MTHFSD: variants seen among roughly 807,000 people sequenced by gnomAD.
MTHFSD encodes the protein methenyltetrahydrofolate synthase domain-containing protein.
MTHFSD carries 37 observed loss-of-function variants against 31.1 expected under a neutral mutation model. The observed-to-expected ratio is 1.19, with a 90% CI of 0.91 to 1.56. The LOEUF is 1.56. MTHFSD is among the 40% of genes most tolerant of loss of function. The probability of loss-of-function intolerance (pLI) is 0.00; values close to 1 mark genes in which losing one functional copy is unlikely to be tolerated. For synonymous variants in MTHFSD, 221 were observed against 206.9 expected (o/e 1.07, Z -0.59); for missense variants, 664 against 510.1 (o/e 1.30, Z -2.91).
chr16:86,535,484 G>C (rs538786789), intron 7 of MTHFSD: 1 of 985,410 alleles, frequency 1.0e-6, no homozygotes, highest in East Asian at 1.1e-4. Flanking sequence ...TTCCTGGCTG[G>C]CAATGAGGAA....
chr16:86,554,476 G>A lies in MTHFSD; in HGVS notation c.123+169C>T, dbSNP rs78667394. Among the ~76,000 whole-genome samples the A allele has an allele frequency of 1.3e-3, 193 of 152,270 alleles. 4 individuals carry two copies. The East Asian group carries it at 0.034, about 27-fold the overall frequency. On this transcript the variant is annotated intron_variant, in intron 2 of 7. Transcript: ENST00000360900. Reference sequence around the variant, plus strand: ...AGGCCCCAGGTGAAGAGTAAATGACGTCTCTAAATGCTAAGGACGCCCTGG... The same window carrying A: ...AGGCCCCAGGTGAAGAGTAAATGACATCTCTAAATGCTAAGGACGCCCTGG...
At chr16:86,541,004 A>G in intron 7 of MTHFSD, 1 of 1,175,066 alleles carries the variant, frequency 8.5e-7, no homozygotes, top group Non-Finnish European at 1.1e-6. Context: ...TCAAACGGTG[A>G]ATGATTTGGG....
chr16:86,535,000 G>A (rs944829380), intron 7 of MTHFSD, among the ~76,000 whole-genome samples: 1 of 152,200 alleles, frequency 6.6e-6, no homozygotes, highest in Non-Finnish European at 1.5e-5. Flanking sequence ...GCATTCTCAG[G>A]CGAGGCTTCA....
intron 7 of MTHFSD, among the ~76,000 whole-genome samples, chr16:86,534,644 T>C (rs1014848964): frequency 6.6e-6 from 1 of 152,234 alleles, no homozygotes; most frequent in Admixed American, 6.5e-5. Context: ...GAAGGATCTT[T>C]TAAATTACCA....
chr16:86,532,214 C>T lies in MTHFSD; in HGVS notation c.949G>A (p.Ala317Thr), dbSNP rs765817887. 1.1e-5 allele frequency: 17 copies of T among 1,582,828 alleles called. No homozygotes were observed. Among genetic ancestry groups the T allele is most frequent in the East Asian group, 2.3e-5 (1 of 43,602 alleles). The change falls in exon 8 of 8, where the codon GCC becomes ACC. Residue 317 changes from alanine to threonine, a missense_variant. Ala to Thr is a moderately conservative substitution (Grantham distance 58). Coordinates refer to ENST00000360900, the MANE Select transcript of MTHFSD (RefSeq NM_001159377.2). ...GCTCTCTTCAGGTCACTCACACGGG[C>T]GTCCCCGGGGAGGTTCCCAACGTAA... is the stretch of plus-strand genomic sequence containing the variant. Reference protein sequence around the residue: ...DVYVGNLPGDARVSDLKRALR... With the variant: ...DVYVGNLPGDTRVSDLKRALR...
chr16:86,547,387 T>C (rs1972476438), intron 4 of MTHFSD: 1 of 985,726 alleles, frequency 1.0e-6, no homozygotes, highest in Non-Finnish European at 1.2e-6. Flanking sequence ...TAACTGATCA[T>C]TCGATGTGGC....
rs903306092 is a variant in MTHFSD at position 86,547,083 on chromosome 16, G to A, written c.352-434C>T. On this transcript the variant is annotated intron_variant, in intron 4 of 7. Transcript: ENST00000360900. ...CAGGGACACCACCCTCTGCCTCGTC[G>A]GACCAGTGTTGGAATTAAATAACAA... 2.5e-5 allele frequency: 21 copies of A among 828,794 alleles called. 2 individuals are homozygous for A. In the South Asian group the frequency reaches 6.7e-4, roughly 26 times the overall value. The allele number at this position is 828,794 out of a possible 1,614,324, so 51.3% of individuals were successfully genotyped here.
At position 86,554,673 on chromosome 16, in the gene MTHFSD, G is replaced by C; in HGVS notation, c.95C>G (p.Pro32Arg). 2 of 1,614,172 alleles carry C rather than the reference G, an allele frequency of 1.2e-6. No individual in the cohort carries two copies. The highest frequency in any genetic ancestry group is 1.7e-6 in the Non-Finnish European group (2 of 1,180,008). ...ESQNLADFPR[P>R]VHHRIPNFKG... ...AAAGTTGGGTATCCTGTGATGAACA[G>C]GTCGGGGAAAGTCAGCTAAATTTTG... Residue 32 changes from proline (P) to arginine (R), a missense_variant, in exon 2 of 8, where the codon CCT (proline) becomes CGT (arginine). Pro to Arg is a moderately radical substitution (Grantham distance 103). Transcript: ENST00000360900.
Position 86,542,716 on chromosome 16 carries a change from G to A in MTHFSD, c.443-503C>T, listed in dbSNP as rs376652318. Among the ~76,000 whole-genome samples, 219 of 152,264 alleles carry A rather than the reference G, an allele frequency of 1.4e-3. No individual in the cohort carries two copies. The highest frequency in any genetic ancestry group is 4.9e-3 in the African/African-American group (205 of 41,536). On this transcript the variant is annotated intron_variant, in intron 5 of 7. Coordinates refer to ENST00000360900, the MANE Select transcript of MTHFSD (RefSeq NM_001159377.2). The surrounding 1 kb of genome is among the most constrained non-coding windows in gnomAD (Gnocchi z 4.6). ...CACTAGATACCAGGTCCTGAGGGACGGTTTAAGCAGTACTAAAGCGTTTTG... is the reference window on the plus strand; with the variant it reads ...CACTAGATACCAGGTCCTGAGGGACAGTTTAAGCAGTACTAAAGCGTTTTG...
intron 4 of MTHFSD, chr16:86,547,926 G>A (rs1235352928): frequency 2.5e-5 from 18 of 710,460 alleles, no homozygotes; most frequent in Non-Finnish European, 3.3e-5. Context: ...TAAAATACAT[G>A]ACCAATTTTA....
chr16:86,552,300 C>T, intron 2 of MTHFSD, 154 bp from the exon 3 acceptor site: 1 of 1,553,020 alleles, frequency 6.4e-7, no homozygotes, highest in South Asian at 1.2e-5. Flanking sequence ...GCCCTGTTTC[C>T]AATGCAATCG....
rs1973876681 is a variant in MTHFSD, at chr16:86,554,977, T to C, written c.16+192A>G. 3.8e-6 allele frequency: 5 copies of C among 1,327,756 alleles called. No individual in the cohort carries two copies. In the South Asian group the frequency reaches 4.6e-5, roughly 12 times the overall value. 82.2% of individuals were successfully genotyped at this position (1,327,756 alleles called of 1,614,324 possible). ...CGTTATCTTTATTTTTCCTGACATC[T>C]TTCTCGGGATTCCGGGCGAGAGAGC... is the stretch of plus-strand genomic sequence containing the variant. On this transcript the variant is annotated intron_variant, in intron 1 of 7. Coordinates refer to ENST00000360900, the MANE Select transcript of MTHFSD (RefSeq NM_001159377.2).
chr16:86,545,459 G>T (rs549129434), intron 5 of MTHFSD, among the ~76,000 whole-genome samples: 2 of 152,190 alleles, frequency 1.3e-5, no homozygotes, highest in South Asian at 4.2e-4. Context: ...TCCAAGAGGG[G>T]ACCTTTGCTG....
chr16:86,552,815 C>G (rs964295284), intron 2 of MTHFSD, among the ~76,000 whole-genome samples: 2 of 152,172 alleles, frequency 1.3e-5, no homozygotes, highest in Non-Finnish European at 2.9e-5. Flanking sequence ...GAAGGTGGAG[C>G]TTGTTGTGGA....
intron 2 of MTHFSD, 93 bp from the exon 3 acceptor site, chr16:86,552,239 G>C: frequency 6.2e-7 from 1 of 1,612,120 alleles, no homozygotes. Flanking sequence ...TAATGGTCCT[G>C]GCCGTTTTGA....
intron 7 of MTHFSD, among the ~76,000 whole-genome samples, chr16:86,539,999 A>G (rs1311296691): frequency 6.6e-6 from 1 of 152,242 alleles, no homozygotes; most frequent in Non-Finnish European, 1.5e-5. Flanking sequence ...ATTTGAAACA[A>G]TATTATAACC....
chr16:86,544,706 G>C (rs945169658), intron 5 of MTHFSD, among the ~76,000 whole-genome samples: 1 of 152,154 alleles, frequency 6.6e-6, no homozygotes, highest in Non-Finnish European at 1.5e-5. Context: ...CCATTACTGG[G>C]TATATACCCA....
chr16:86,546,705 T>C, intron 4 of MTHFSD, 56 bp from the exon 5 acceptor site: 1 of 1,452,036 alleles, frequency 6.9e-7, no homozygotes, highest in Non-Finnish European at 9.7e-7. Flanking sequence ...CCTCATTTTA[T>C]AATTCATGAT....
chr16:86,540,104 G>A (rs543194338), intron 7 of MTHFSD, among the ~76,000 whole-genome samples: 3 of 152,152 alleles, frequency 2.0e-5, no homozygotes, highest in African/African-American at 7.2e-5. Context: ...ACTCACTTTG[G>A]CTGCATGGCT....
Sources: gnomAD v4.1 joint callset for allele counts (sites outside exome capture counted in the v4.1 genomes callset) on GRCh38, gnomAD v4.1.1 for gene constraint, Gnocchi (gnomAD v3.1) non-coding constraint, MANE v1.5 for transcripts, NCBI Gene and HGNC (gene_info 2026-07-23, HGNC 2026-07-21) for gene names.